The following DTNA variants were observed in gnomAD, a reference collection of about 807,000 sequenced individuals.
The protein encoded by DTNA is dystrobrevin alpha.
DTNA carries 43 observed loss-of-function variants against 100.7 expected under a neutral mutation model. The observed-to-expected ratio is 0.43, with a 90% CI of 0.33 to 0.55. DTNA has a LOEUF of 0.55. Among genes scored for constraint, DTNA ranks in the 20% least tolerant of loss-of-function variants. DTNA has a pLI of 0.04. For missense variants in DTNA, 798 were observed against 953.9 expected (o/e 0.84, Z 2.15); for synonymous variants, 349 against 347.9 (o/e 1.00, Z -0.04).
intron 1 of DTNA, chr18:34,514,076 CA>C (rs1161054382): frequency 6.6e-6 from 1 of 152,116 alleles, no homozygotes; most frequent in Non-Finnish European, 1.5e-5. Context: ...ATTCACTCCA[CA>C]GTGGCTATTT....
At chr18:34,499,316 T>G (rs754759388) in intron 1 of DTNA, among the ~76,000 whole-genome samples, 4 of 152,222 alleles carry the variant, frequency 2.6e-5, no homozygotes, top group Non-Finnish European at 5.9e-5. Context: ...TCCCAATAGC[T>G]TACTGCATTT....
At position 34,797,581 on chromosome 18, in the gene DTNA, A is replaced by G. The variant is rs189948553; in HGVS notation, c.362+3331A>G. Reference sequence around the variant, plus strand: ...CCATATTCTATTGAGGAGGGGGAAAACTCTTTGAAGTCTTCAAAGGACCTT... The same window carrying G: ...CCATATTCTATTGAGGAGGGGGAAAGCTCTTTGAAGTCTTCAAAGGACCTT... On this transcript the variant is annotated intron_variant, in intron 4 of 22. Coordinates refer to ENST00000444659, the MANE Select transcript of DTNA (RefSeq NM_001386795.1). 2.3e-3 allele frequency among the ~76,000 whole-genome samples: 349 copies of G among 152,036 alleles called. 2 individuals are homozygous for G. The highest frequency in any genetic ancestry group is 8.0e-3 in the African/African-American group (332 of 41,460).
intron 3 of DTNA, among the ~76,000 whole-genome samples, chr18:34,775,959 C>T (rs1316845020): frequency 6.6e-6 from 1 of 152,200 alleles, no homozygotes; most frequent in Non-Finnish European, 1.5e-5. Context: ...CTGCTATACA[C>T]AGTAAAGCAT....
At chr18:34,859,501 C>T (rs965140367) in intron 16 of DTNA, among the ~76,000 whole-genome samples, 4 of 152,066 alleles carry the variant, frequency 2.6e-5, no homozygotes, top group Admixed American at 1.3e-4. Flanking sequence ...TTGCAGGAGG[C>T]GACCAATCAG....
At chr18:34,853,152 G>A (rs1005126938) in intron 15 of DTNA, among the ~76,000 whole-genome samples, 1 of 152,044 alleles carries the variant, frequency 6.6e-6, no homozygotes, top group African/African-American at 2.4e-5. Context: ...GTACTAGGTC[G>A]GTGCAAATGT....
intron 1 of DTNA, among the ~76,000 whole-genome samples, chr18:34,658,389 A>G (rs962221312): frequency 1.3e-5 from 2 of 152,130 alleles, no homozygotes; most frequent in African/African-American, 4.8e-5. Context: ...GTCTGGCTCT[A>G]TCACCCAGGC....
intron 14 of DTNA, among the ~76,000 whole-genome samples, chr18:34,848,896 G>A (rs551208094): frequency 1.2e-4 from 18 of 152,332 alleles, no homozygotes; most frequent in African/African-American, 3.4e-4. Flanking sequence ...CTATTAGTGC[G>A]TCACAAAGGA....
intron 3 of DTNA, among the ~76,000 whole-genome samples, chr18:34,790,650 C>A (rs1464894920): frequency 3.6e-5 from 5 of 140,264 alleles, no homozygotes; most frequent in East Asian, 4.4e-4. Flanking sequence ...TGGCTCACTG[C>A]AAGCTCCGCC....
In DTNA at chr18:34,725,690, C is replaced by T. The variant is rs763122621; in HGVS notation, c.-2+15245C>T. ...TCAGCCATTGTGGAAGACAGTGTGG[C>T]GATTCCTCAAGGATCTAGAACTGGA... On this transcript the variant is annotated intron_variant, in intron 1 of 22. Transcript: ENST00000444659. Among the ~76,000 whole-genome samples the T allele has an allele frequency of 7.3e-4, 111 of 152,252 alleles. 2 individuals carry two copies. Among genetic ancestry groups the T allele is most frequent in the South Asian group, 1.2e-3 (6 of 4,820 alleles).
chr18:34,727,479 A>G (rs1240983410), intron 1 of DTNA, among the ~76,000 whole-genome samples: 1 of 152,216 alleles, frequency 6.6e-6, no homozygotes, highest in East Asian at 1.9e-4. Context: ...ACAAATTTTC[A>G]CTGTAAAACA....
intron 9 of DTNA, among the ~76,000 whole-genome samples, chr18:34,823,216 AAATAAATGGTATTAAGCCTT>A: frequency 6.6e-6 from 1 of 152,350 alleles, no homozygotes; most frequent in South Asian, 2.1e-4. Context: ...TGAAATGAAA[AAATAAATGGTATTAAGCCTT>A]AATCATTTAC....
intron 1 of DTNA, among the ~76,000 whole-genome samples, chr18:34,516,873 C>T (rs60759894): frequency 0.052 from 7,917 of 152,002 alleles, 674 homozygotes; most frequent in African/African-American, 0.18. Context: ...CCTGAGGTGA[C>T]ATACATCCTC....
chr18:34,821,978 C>T (rs773853777), intron 9 of DTNA, among the ~76,000 whole-genome samples: 42 of 152,120 alleles, frequency 2.8e-4, no homozygotes, highest in Non-Finnish European at 1.3e-4. Context: ...CGTCTGTGAG[C>T]TTTGTATAAA....
At chr18:34,549,994 TG>T (rs895608219) in intron 1 of DTNA, among the ~76,000 whole-genome samples, 14 of 152,234 alleles carry the variant, frequency 9.2e-5, no homozygotes, top group African/African-American at 3.4e-4. Flanking sequence ...TATCAGTTTT[TG>T]TTCCTTAAGT....
At chr18:34,721,113 C>A (rs1432295504) in intron 1 of DTNA, among the ~76,000 whole-genome samples, 1 of 152,128 alleles carries the variant, frequency 6.6e-6, no homozygotes, top group Non-Finnish European at 1.5e-5. Flanking sequence ...GGAAATCAAG[C>A]TCAATTACTT....
At chr18:34,502,985 T>A (rs569255302) in intron 1 of DTNA, among the ~76,000 whole-genome samples, 49 of 152,352 alleles carry the variant, frequency 3.2e-4, no homozygotes, top group Admixed American at 9.8e-4. Context: ...AGTTTGTCTA[T>A]TTCTCGCTTC....
In DTNA at chr18:34,835,871, C is replaced by T. The variant is rs569399597; in HGVS notation, c.1176-2223C>T. The stretch of plus-strand genomic sequence containing the variant: ...GAGAGGTTGTCCCTGTGCAATTATT[C>T]GGCTGTTTGCTTAAGAAATTATTGC... On this transcript the variant is annotated intron_variant, in intron 11 of 22. Coordinates refer to ENST00000444659, the MANE Select transcript of DTNA (RefSeq NM_001386795.1). Among the ~76,000 whole-genome samples, 13 of 152,298 alleles carry T rather than the reference C, an allele frequency of 8.5e-5. No homozygotes were observed. The East Asian group carries it at 2.3e-3, about 27-fold the overall frequency.
intron 1 of DTNA, among the ~76,000 whole-genome samples, chr18:34,560,406 T>C (rs2046528387): frequency 6.6e-6 from 1 of 152,200 alleles, no homozygotes; most frequent in Admixed American, 6.5e-5. Context: ...TTACAAATTC[T>C]AAGGTCATAA....
intron 1 of DTNA, among the ~76,000 whole-genome samples, chr18:34,569,814 C>A (rs1255825147): frequency 1.3e-5 from 2 of 152,030 alleles, no homozygotes; most frequent in African/African-American, 4.8e-5. Flanking sequence ...GAGGCCCACT[C>A]ACATTATGGA....
Sources: allele counts gnomAD v4.1 joint callset (sites outside exome capture counted in the v4.1 genomes callset), GRCh38; gene constraint gnomAD v4.1.1; transcripts MANE v1.5; gene names NCBI Gene and HGNC (gene_info 2026-07-23, HGNC 2026-07-21).